Variants in SRGAP1 observed in about 807,000 individuals in gnomAD.
SRGAP1 encodes the protein SLIT-ROBO Rho GTPase activating protein 1.
A neutral mutation model predicts 121.9 loss-of-function variants in SRGAP1; 43 were observed. The observed-to-expected ratio is 0.35, with a 90% CI of 0.28 to 0.46. The LOEUF (loss-of-function observed/expected upper bound fraction) is 0.46, where lower values mean the gene tolerates loss of function less well. Among genes scored for constraint, SRGAP1 ranks in the 20% least tolerant of loss-of-function variants. SRGAP1 has a pLI of 1.00. For missense variants in SRGAP1, 1,102 were observed against 1,350.9 expected (o/e 0.82, Z 2.89); for synonymous variants, 447 against 485.4 (o/e 0.92, Z 1.04).
At chr12:64,089,616 T>C (rs2036011089) in intron 11 of SRGAP1, among the ~76,000 whole-genome samples, 1 of 152,218 alleles carries the variant, frequency 6.6e-6, no homozygotes, top group African/African-American at 2.4e-5. Context: ...TCCTATCAGA[T>C]TATTTCCTCC....
At chr12:64,133,979 C>T (rs1373906993) in intron 21 of SRGAP1, among the ~76,000 whole-genome samples, 1 of 152,068 alleles carries the variant, frequency 6.6e-6, no homozygotes. Flanking sequence ...TGAGTGTCGC[C>T]TTGCCTTTGA....
intron 1 of SRGAP1, among the ~76,000 whole-genome samples, chr12:63,937,569 G>A (rs2031705405): frequency 6.6e-6 from 1 of 152,200 alleles, no homozygotes; most frequent in South Asian, 2.1e-4. Context: ...CAGGGATGCT[G>A]AATTTGGATA....
At chr12:64,012,762 G>T (rs929019879) in intron 3 of SRGAP1, among the ~76,000 whole-genome samples, 7 of 151,688 alleles carry the variant, frequency 4.6e-5, no homozygotes, top group Admixed American at 3.9e-4. Context: ...TATTCCCCAG[G>T]CTGGTCTCAA....
At chr12:63,894,230 G>A (rs182338257) in intron 1 of SRGAP1, among the ~76,000 whole-genome samples, 1 of 151,986 alleles carries the variant, frequency 6.6e-6, no homozygotes, top group African/African-American at 2.4e-5. Context: ...TTAAAGTACT[G>A]TACAGATTTT....
intron 1 of SRGAP1, among the ~76,000 whole-genome samples, chr12:63,948,686 A>G (rs1169598373): frequency 6.6e-6 from 1 of 151,298 alleles, no homozygotes; most frequent in Non-Finnish European, 1.5e-5. Flanking sequence ...AGTGCCTTGT[A>G]TGTAGCAGGC....
intron 1 of SRGAP1, among the ~76,000 whole-genome samples, chr12:63,849,525 A>G (rs576039702): frequency 4.6e-5 from 7 of 152,348 alleles, no homozygotes; most frequent in African/African-American, 1.7e-4. Context: ...GGGAGTGCCA[A>G]GAAAATCTGT....
At position 64,130,850 on chromosome 12, in the gene SRGAP1, G is replaced by A. The variant is rs2036774006; in HGVS notation, c.2880+2650G>A. Among the ~76,000 whole-genome samples the A allele has an allele frequency of 2.0e-5, 3 of 152,354 alleles. No individual in the cohort carries two copies. In the South Asian group the frequency reaches 6.2e-4, roughly 32 times the overall value. ...CAGGATAGGCAAACCCATATCCGGA[G>A]TAACTGTCTATTCCAGTGAGGACAA... On this transcript the variant is annotated intron_variant, in intron 21 of 21. Coordinates refer to ENST00000355086, the MANE Select transcript of SRGAP1 (RefSeq NM_020762.4).
chr12:63,969,592 G>C (rs906833014), intron 1 of SRGAP1, among the ~76,000 whole-genome samples: 1 of 152,028 alleles, frequency 6.6e-6, no homozygotes, highest in Non-Finnish European at 1.5e-5. Flanking sequence ...AGGAGATTGA[G>C]ACCATCCTGG....
At chr12:63,970,115 C>T (rs550587526) in intron 1 of SRGAP1, among the ~76,000 whole-genome samples, 2 of 152,232 alleles carry the variant, frequency 1.3e-5, no homozygotes, top group South Asian at 2.1e-4. Context: ...TTACTACTTC[C>T]GCCTCTTTTC....
chr12:64,095,055 T>C, intron 13 of SRGAP1, 63 bp downstream of exon 13: 2 of 1,610,208 alleles, frequency 1.2e-6, no homozygotes, highest in Non-Finnish European at 1.7e-6. Flanking sequence ...TCAGTAAATT[T>C]ACTTCCTGGG....
intron 1 of SRGAP1, among the ~76,000 whole-genome samples, chr12:63,941,140 A>G (rs965993571): frequency 1.3e-5 from 2 of 151,766 alleles, no homozygotes; most frequent in Non-Finnish European, 2.9e-5. Context: ...ATAAATATAT[A>G]TTAAATTAGT....
At position 64,146,054 on chromosome 12, in the gene SRGAP1, G is replaced by A. The variant is rs1592363328; in HGVS notation, c.*3382G>A. On this transcript the variant is annotated 3_prime_UTR_variant, in exon 22 of 22. Coordinates refer to ENST00000355086, the MANE Select transcript of SRGAP1 (RefSeq NM_020762.4). The stretch of plus-strand genomic sequence containing the variant: ...AAGTCAGCCTTTTGGACTGGGTTGG[G>A]GTTTGGGGAGTGGATTTGGGGATAG... The A allele has an allele frequency of 6.6e-6, 1 of 152,212 alleles. No individual in the cohort carries two copies. Among genetic ancestry groups the A allele is most frequent in the Non-Finnish European group, 1.5e-5 (1 of 68,064 alleles). 9.4% of individuals were successfully genotyped at this position (152,212 alleles called of 1,614,324 possible).
intron 6 of SRGAP1, among the ~76,000 whole-genome samples, chr12:64,049,314 C>T (rs2035192960): frequency 6.6e-6 from 1 of 152,092 alleles, no homozygotes; most frequent in Non-Finnish European, 1.5e-5. Context: ...AAGAACTGCC[C>T]AAGACTGGGA....
rs929649346 is a variant in SRGAP1, at chr12:64,143,288, G to C, written c.*616G>C. 1.3e-5 allele frequency: 2 copies of C among 152,672 alleles called. No homozygotes were observed. Among genetic ancestry groups the C allele is most frequent in the Non-Finnish European group, 2.9e-5 (2 of 68,480 alleles). 9.5% of individuals were successfully genotyped at this position (152,672 alleles called of 1,614,324 possible). ...TTCCCCGGGTCCAGCTTAAAGACTC[G>C]ATGGAAGGAGGTAGAACCTCTGCTG... On this transcript the variant is annotated 3_prime_UTR_variant, in exon 22 of 22. Transcript: ENST00000355086.
chr12:64,056,097 AAAT>A (rs935279489), intron 6 of SRGAP1, among the ~76,000 whole-genome samples: 1 of 152,166 alleles, frequency 6.6e-6, no homozygotes, highest in Admixed American at 6.6e-5. Context: ...ACACCTCAGA[AAAT>A]AATGCCACTT....
At chr12:63,913,478 G>GAT (rs143358798) in intron 1 of SRGAP1, among the ~76,000 whole-genome samples, 10 of 130,984 alleles carry the variant, frequency 7.6e-5, no homozygotes, top group South Asian at 5.1e-4. Flanking sequence ...TATATATATG[G>GAT]ATATATATAT....
rs1354062069 is a variant in SRGAP1, at chr12:64,127,640, G to T, written c.2456G>T (p.Ser819Ile). 6.2e-7 allele frequency: 1 copy of T among 1,614,008 alleles called. No individual in the cohort carries two copies. The highest frequency in any genetic ancestry group is 8.5e-7 in the Non-Finnish European group (1 of 1,180,030). Reference protein sequence around the residue: ...TLSQKADSEASSGPVTEDKSS... With the variant: ...TLSQKADSEAISGPVTEDKSS... ...AGCCAAAAAGCCGACAGTGAGGCCA[G>T]CAGTGGGCCAGTCACGGAAGACAAG... Residue 819 changes from serine (S) to isoleucine (I), a missense_variant, in exon 20 of 22, where the codon AGC (serine) becomes ATC (isoleucine). This residue lies in a region of SRGAP1 where 40 missense variants were observed against 78.4 expected (regional missense o/e 0.51). Transcript: ENST00000355086.
At chr12:64,002,160 C>A (rs1346463533) in intron 3 of SRGAP1, among the ~76,000 whole-genome samples, 1 of 152,140 alleles carries the variant, frequency 6.6e-6, no homozygotes, top group Non-Finnish European at 1.5e-5. Context: ...TTAGCTGTGA[C>A]ACAAAAAGCA....
At chr12:63,936,367 C>T (rs948167341) in intron 1 of SRGAP1, among the ~76,000 whole-genome samples, 6 of 152,124 alleles carry the variant, frequency 3.9e-5, no homozygotes, top group African/African-American at 1.4e-4. Flanking sequence ...GGAAGAGCCC[C>T]AATTTTCTTC....
Sources: allele counts gnomAD v4.1 joint callset (sites outside exome capture counted in the v4.1 genomes callset), GRCh38; gene constraint gnomAD v4.1.1; regional missense constraint gnomAD v4.1.1; transcripts MANE v1.5; gene names NCBI Gene and HGNC (gene_info 2026-07-23, HGNC 2026-07-21).